The following LDHA variants were observed in gnomAD, a reference collection of about 807,000 sequenced individuals.
The protein encoded by LDHA is lactate dehydrogenase A.
A neutral mutation model predicts 36.3 loss-of-function variants in LDHA; 10 were observed. The observed-to-expected ratio is 0.28, with a 90% CI of 0.17 to 0.47. The LOEUF (loss-of-function observed/expected upper bound fraction) is 0.47. Ranked by LOEUF, LDHA falls within the 20% of genes least tolerant of loss-of-function variation. LDHA has a pLI of 0.99. For missense variants in LDHA, 267 were observed against 405.8 expected (o/e 0.66, Z 2.94); for synonymous variants, 110 against 136.7 (o/e 0.80, Z 1.36).
At chr11:18,397,134 C>A in intron 2 of LDHA, 166 bp downstream of exon 2, 2 of 613,172 alleles carry the variant, frequency 3.3e-6, no homozygotes, top group Non-Finnish European at 5.8e-6. Context: ...GATAATACAC[C>A]AAAAGTGTAT....
intron 7 of LDHA, among the ~76,000 whole-genome samples, chr11:18,406,162 C>T (rs1297349261): frequency 6.6e-6 from 1 of 152,112 alleles, no homozygotes; most frequent in Non-Finnish European, 1.5e-5. Flanking sequence ...GATGGAGTTT[C>T]ACCATATTGG....
chr11:18,404,007 T>C (rs1866587484), intron 6 of LDHA, among the ~76,000 whole-genome samples, 196 bp downstream of exon 6: 2 of 152,212 alleles, frequency 1.3e-5, no homozygotes, highest in South Asian at 4.1e-4. Flanking sequence ...CTTGGCTCAC[T>C]GCAACCTCTG....
intron 1 of LDHA, 122 bp downstream of exon 1, chr11:18,394,758 C>G (rs987991729): frequency 2.3e-6 from 1 of 432,996 alleles, no homozygotes; most frequent in Non-Finnish European, 4.7e-6. Context: ...GTAGGAGCCG[C>G]TTTCCAGAAG....
chr11:18,400,374 GT>G, intron 3 of LDHA: 1 of 28,648 alleles, frequency 3.5e-5, no homozygotes, highest in East Asian at 8.6e-4. Context: ...AGCAAAATAT[GT>G]TTGTTAAGTG....
chr11:18,402,670 T>G, intron 4 of LDHA, 170 bp from the exon 5 acceptor site: 1 of 624,178 alleles, frequency 1.6e-6, no homozygotes, highest in Non-Finnish European at 2.9e-6. Flanking sequence ...ACAAAATTAT[T>G]GGTTAGCCAT....
intron 4 of LDHA, among the ~76,000 whole-genome samples, chr11:18,401,955 C>CTCTCTCTTT (rs59534512): frequency 0.016 from 831 of 52,304 alleles, 44 homozygotes; most frequent in African/African-American, 0.049. Context: ...TTGTTATTCT[C>CTCTCTCTTT]TTTTTTTTTT....
chr11:18,397,207 T>A, intron 2 of LDHA: 1 of 410,966 alleles, frequency 2.4e-6, no homozygotes, highest in South Asian at 4.4e-5. Context: ...TTCATTATTC[T>A]GTATTAACAT....
chr11:18,403,501 A>T (rs1023746160), intron 5 of LDHA, among the ~76,000 whole-genome samples, 193 bp from the exon 6 acceptor site: 3 of 152,250 alleles, frequency 2.0e-5, no homozygotes, highest in African/African-American at 7.2e-5. Flanking sequence ...GAATACAGTT[A>T]AAATTCTTAG....
At position 18,405,167 on chromosome 11, in the gene LDHA, G is replaced by T. The variant is rs1485516501; in HGVS notation, c.711-282G>T. 2.0e-5 allele frequency among the ~76,000 whole-genome samples: 3 copies of T among 151,964 alleles called. No individual in the cohort carries two copies. In the East Asian group the frequency reaches 5.8e-4, roughly 29 times the overall value. On this transcript the variant is annotated intron_variant, in intron 6 of 7. Coordinates refer to ENST00000422447, the MANE Select transcript of LDHA (RefSeq NM_005566.4). ...TACAAGTAGCTATAGTTTATTTTTT[G>T]ATAGCTGTGTAATATTCCATTGTAT...
At chr11:18,394,720 C>G (rs1356522714) in intron 1 of LDHA, 84 bp downstream of exon 1, 1 of 448,586 alleles carries the variant, frequency 2.2e-6, no homozygotes, top group South Asian at 1.6e-5. Flanking sequence ...CTCCGCTGCT[C>G]GCGAAGGGAT....
At chr11:18,402,658 T>G in intron 4 of LDHA, 182 bp from the exon 5 acceptor site, 1 of 599,970 alleles carries the variant, frequency 1.7e-6, no homozygotes, top group Non-Finnish European at 3.0e-6. Flanking sequence ...TTAAAAATAT[T>G]AACAAAATTA....
intron 7 of LDHA, among the ~76,000 whole-genome samples, chr11:18,405,989 GAC>G (rs1866668729): frequency 6.6e-6 from 1 of 151,988 alleles, no homozygotes; most frequent in Non-Finnish European, 1.5e-5. Flanking sequence ...ATTTTTTTGA[GAC>G]AGTCTCCCTC....
chr11:18,398,398 G>GT (rs35960334), intron 2 of LDHA, among the ~76,000 whole-genome samples: 15 of 147,614 alleles, frequency 1.0e-4, no homozygotes, highest in East Asian at 3.9e-4. Flanking sequence ...AACTTTTTAA[G>GT]TTTTTTTTTT....
chr11:18,403,767 A>G lies in LDHA; in HGVS notation c.666A>G (p.Lys222=). The G allele has an allele frequency of 6.2e-7, 1 of 1,610,858 alleles. No individual in the cohort carries two copies. Among genetic ancestry groups the G allele is most frequent in the South Asian group, 1.1e-5 (1 of 91,020 alleles). The stretch of plus-strand genomic sequence containing the variant: ...TGCACCCAGATTTAGGGACTGATAA[A>G]GATAAGGAACAGTGGAAAGAGGTTC... The part of the protein sequence containing the change: ...KTLHPDLGTD[K]DKEQWKEVHK... Residue 222 remains lysine (K), a synonymous_variant, in exon 6 of 8, where the codon AAA becomes AAG. Transcript: ENST00000422447.
chr11:18,408,054 A>C lies in LDHA; in HGVS notation c.*773A>C. 1 of 453,946 alleles carries C rather than the reference A, an allele frequency of 2.2e-6. No individual in the cohort carries two copies. The highest frequency in any genetic ancestry group is 4.4e-6 in the Non-Finnish European group (1 of 226,732). The allele number at this position is 453,946 out of a possible 1,614,324, so 28.1% of individuals were successfully genotyped here. A position where few individuals can be genotyped will look rare whatever the true frequency, so the allele number is the denominator to read the frequency against. Reference sequence around the variant, plus strand: ...TAAGTCCCAAAGTATTATATATTTGATAATAATGCTAATCATAATTGGAAA... The same window carrying C: ...TAAGTCCCAAAGTATTATATATTTGCTAATAATGCTAATCATAATTGGAAA... On this transcript the variant is annotated 3_prime_UTR_variant, in exon 8 of 8. Coordinates refer to ENST00000422447, the MANE Select transcript of LDHA (RefSeq NM_005566.4).
intron 1 of LDHA, 27 bp downstream of exon 1, chr11:18,394,663 G>A: frequency 2.2e-6 from 1 of 453,790 alleles, no homozygotes; most frequent in East Asian, 6.9e-5. Flanking sequence ...CGCGCACGGC[G>A]CCAGAGGGAT....
intron 2 of LDHA, chr11:18,399,190 A>T (rs1866395164): frequency 4.2e-6 from 2 of 480,898 alleles, no homozygotes; most frequent in South Asian, 4.2e-5. Context: ...GCAGTGGTGG[A>T]ACTCCTATAG....
chr11:18,402,553 C>T, intron 4 of LDHA: 2 of 363,020 alleles, frequency 5.5e-6, no homozygotes, highest in Non-Finnish European at 5.3e-6. Context: ...CCACCTCAGC[C>T]TCCCAAAGTG....
intron 3 of LDHA, chr11:18,400,330 T>G: frequency 4.5e-6 from 1 of 222,292 alleles, no homozygotes; most frequent in South Asian, 6.1e-5. Context: ...CCTTCATCAC[T>G]GGTTTAACTC....
Sources: allele counts gnomAD v4.1 joint callset (sites outside exome capture counted in the v4.1 genomes callset), GRCh38; gene constraint gnomAD v4.1.1; transcripts MANE v1.5; gene names NCBI Gene and HGNC (gene_info 2026-07-23, HGNC 2026-07-21).